The following PRKG1 variants were observed in gnomAD, a reference collection of about 807,000 sequenced individuals.
The protein encoded by PRKG1 is cGMP-dependent protein kinase 1.
PRKG1 carries 35 observed loss-of-function variants against 88.1 expected under a neutral mutation model. The ratio of observed to expected loss-of-function variants is 0.40; its 90% confidence interval spans 0.30 to 0.53. The LOEUF (loss-of-function observed/expected upper bound fraction) is 0.53, where lower values mean the gene tolerates loss of function less well. PRKG1 is among the 20% of genes least tolerant of loss of function. PRKG1 has a pLI of 0.59. For synonymous variants in PRKG1, 303 were observed against 292.5 expected (o/e 1.04, Z -0.37); for missense variants, 540 against 839.8 (o/e 0.64, Z 4.41).
chr10:51,039,151 A>G (rs1843388837), intron 1 of PRKG1, among the ~76,000 whole-genome samples: 2 of 151,994 alleles, frequency 1.3e-5, no homozygotes, highest in Non-Finnish European at 2.9e-5. Flanking sequence ...TTTTTGAGGA[A>G]CCTCCAAATT....
intron 7 of PRKG1, among the ~76,000 whole-genome samples, chr10:52,109,776 ATCTC>A (rs1455148603): frequency 3.9e-5 from 6 of 152,044 alleles, no homozygotes; most frequent in African/African-American, 1.2e-4. Context: ...AAAAAATCTT[ATCTC>A]AAAAATGACT....
intron 8 of PRKG1, among the ~76,000 whole-genome samples, chr10:52,139,263 G>A (rs557504270): frequency 1.3e-5 from 2 of 152,184 alleles, no homozygotes; most frequent in South Asian, 4.2e-4. Flanking sequence ...GAGACAAATT[G>A]GTGTCTGTAT....
chr10:51,787,132 A>C (rs182949031), intron 3 of PRKG1, among the ~76,000 whole-genome samples: 3 of 152,296 alleles, frequency 2.0e-5, no homozygotes, highest in East Asian at 3.9e-4. Flanking sequence ...TCATAAAATA[A>C]GTTAATCCCT....
At chr10:52,212,494 C>A (rs1286145118) in intron 9 of PRKG1, among the ~76,000 whole-genome samples, 2 of 151,906 alleles carry the variant, frequency 1.3e-5, no homozygotes, top group Non-Finnish European at 2.9e-5. Context: ...ATTTTTCTTC[C>A]CTGTTCCTTG....
intron 3 of PRKG1, among the ~76,000 whole-genome samples, chr10:51,488,854 C>T (rs1240015049): frequency 6.6e-6 from 1 of 152,136 alleles, no homozygotes; most frequent in Non-Finnish European, 1.5e-5. Context: ...CTCTACTATT[C>T]ATCCGTTTCA....
intron 9 of PRKG1, among the ~76,000 whole-genome samples, chr10:52,180,072 T>C (rs1490526051): frequency 6.6e-6 from 1 of 152,242 alleles, no homozygotes; most frequent in Non-Finnish European, 1.5e-5. Flanking sequence ...TGGTCCCTCA[T>C]AAATCGTTTA....
At chr10:51,099,915 A>G (rs1312088008) in intron 1 of PRKG1, among the ~76,000 whole-genome samples, 1 of 151,978 alleles carries the variant, frequency 6.6e-6, no homozygotes, top group Non-Finnish European at 1.5e-5. Flanking sequence ...TATTTTTTTG[A>G]GACAAGATCT....
intron 2 of PRKG1, among the ~76,000 whole-genome samples, chr10:51,181,937 T>C (rs1457760682): frequency 1.3e-5 from 2 of 152,238 alleles, no homozygotes; most frequent in African/African-American, 2.4e-5. Flanking sequence ...TCATATTTTT[T>C]ACTGAAAAAC....
intron 4 of PRKG1, among the ~76,000 whole-genome samples, chr10:51,820,289 AT>A (rs1839707715): frequency 6.6e-6 from 1 of 152,144 alleles, no homozygotes; most frequent in Non-Finnish European, 1.5e-5. Flanking sequence ...TAATATTAAA[AT>A]TTTCCAAACT....
intron 2 of PRKG1, among the ~76,000 whole-genome samples, chr10:51,374,077 G>A (rs1842758833): frequency 1.5e-5 from 1 of 65,170 alleles, no homozygotes; most frequent in Admixed American, 1.4e-4. Flanking sequence ...GGCTGGCAGA[G>A]GTTGCAAAAA....
chr10:51,134,641 G>A (rs1845646347), intron 1 of PRKG1, among the ~76,000 whole-genome samples: 1 of 152,250 alleles, frequency 6.6e-6, no homozygotes, highest in Non-Finnish European at 1.5e-5. Context: ...TTAATGGAAT[G>A]TGAGTCTGCA....
intron 2 of PRKG1, among the ~76,000 whole-genome samples, chr10:51,346,567 T>C (rs1842118494): frequency 6.6e-6 from 1 of 152,174 alleles, no homozygotes; most frequent in Non-Finnish European, 1.5e-5. Flanking sequence ...AAATCACTGA[T>C]TTGAGGGCCA....
intron 4 of PRKG1, among the ~76,000 whole-genome samples, chr10:51,867,627 G>T (rs916875187): frequency 1.3e-5 from 2 of 152,140 alleles, no homozygotes; most frequent in African/African-American, 2.4e-5. Flanking sequence ...GCCCAGCTTG[G>T]GTAACTGTCG....
intron 9 of PRKG1, among the ~76,000 whole-genome samples, chr10:52,232,675 A>G (rs1840553380): frequency 6.6e-6 from 1 of 152,206 alleles, no homozygotes; most frequent in Non-Finnish European, 1.5e-5. Flanking sequence ...TACTACAGAA[A>G]TGAAGATACC....
chr10:51,030,254 A>G (rs1175682778), intron 1 of PRKG1, among the ~76,000 whole-genome samples: 1 of 152,010 alleles, frequency 6.6e-6, no homozygotes, highest in African/African-American at 2.4e-5. Context: ...TATAACTGTC[A>G]GAGAAAAGTT....
At chr10:51,601,089 A>G (rs766880857) in intron 3 of PRKG1, among the ~76,000 whole-genome samples, 1 of 152,048 alleles carries the variant, frequency 6.6e-6, no homozygotes, top group Non-Finnish European at 1.5e-5. Flanking sequence ...ATTTTTTGCT[A>G]TTTTATTATA....
intron 1 of PRKG1, among the ~76,000 whole-genome samples, chr10:51,113,749 A>AG: frequency 6.7e-6 from 1 of 150,332 alleles, no homozygotes; most frequent in Non-Finnish European, 1.5e-5. Flanking sequence ...AAAAAAAAAA[A>AG]CTAAAAGAAG....
chr10:52,082,116 C>G (rs138474377), intron 7 of PRKG1, among the ~76,000 whole-genome samples: 1 of 151,944 alleles, frequency 6.6e-6, no homozygotes, highest in African/African-American at 2.4e-5. Context: ...AAGTACTGAG[C>G]GAAAGGGGGA....
chr10:52,011,624 C>T (rs1023257616), intron 5 of PRKG1, among the ~76,000 whole-genome samples: 1 of 152,160 alleles, frequency 6.6e-6, no homozygotes, highest in Non-Finnish European at 1.5e-5. Context: ...TACTCCTCAT[C>T]TGATTTGTTA....
Sources: allele counts gnomAD v4.1 joint callset (sites outside exome capture counted in the v4.1 genomes callset), GRCh38; gene constraint gnomAD v4.1.1; transcripts MANE v1.5; gene names NCBI Gene and HGNC (gene_info 2026-07-23, HGNC 2026-07-21).